Variants in NUP93 observed in about 807,000 individuals in gnomAD.
NUP93 encodes the protein nucleoporin 93.
Under a neutral mutation model 107.8 loss-of-function variants are expected in NUP93, and 55 were observed. That is an observed-to-expected ratio of 0.51 (90% CI 0.41 to 0.64). The LOEUF (loss-of-function observed/expected upper bound fraction) is 0.64. Ranked by LOEUF, NUP93 falls within the 30% of genes least tolerant of loss-of-function variation. The pLI, the probability that NUP93 is intolerant of heterozygous loss-of-function variation, is 0.00. For synonymous variants in NUP93, 390 were observed against 397.5 expected, an observed-to-expected ratio of 0.98 and a Z score of 0.22; for missense variants, 937 against 1,044.7, an observed-to-expected ratio of 0.90 and a Z score of 1.42.
At chr16:56,830,200 A>G (rs1183681509) in intron 9 of NUP93, among the ~76,000 whole-genome samples, 1 of 152,206 alleles carries the variant, frequency 6.6e-6, no homozygotes, top group South Asian at 2.1e-4. Context: ...ACAAAAGAAC[A>G]TCACCCAGTT....
In NUP93 at chr16:56,802,766, T is replaced by C. The variant is rs192425935; in HGVS notation, c.361-2738T>C. ...GTGTTGCCAATAATAAAGCAGGCAT[T>C]GCTAATACTCATTCCCTTATTGCTG... On this transcript the variant is annotated intron_variant, in intron 4 of 21. Coordinates refer to ENST00000308159, the MANE Select transcript of NUP93 (RefSeq NM_014669.5). Among the ~76,000 whole-genome samples, 385 of 152,342 alleles carry C rather than the reference T, an allele frequency of 2.5e-3. 2 individuals carry two copies. Among genetic ancestry groups the C allele is most frequent in the Non-Finnish European group, 4.0e-3 (275 of 68,034 alleles).
chr16:56,821,189 C>T (rs541732421), intron 6 of NUP93, among the ~76,000 whole-genome samples: 1 of 152,298 alleles, frequency 6.6e-6, no homozygotes, highest in East Asian at 1.9e-4. Context: ...AAGCAGCAGC[C>T]AGAGCCCTTC....
intron 3 of NUP93, among the ~76,000 whole-genome samples, chr16:56,794,090 G>GTAGGTAGA (rs1329055930): frequency 3.7e-4 from 28 of 76,062 alleles, no homozygotes; most frequent in African/African-American, 8.6e-4. Context: ...AGGTAGGTAG[G>GTAGGTAGA]TAGATAGATA....
chr16:56,836,004 C>T (rs930068033), intron 16 of NUP93, among the ~76,000 whole-genome samples: 1 of 151,862 alleles, frequency 6.6e-6, no homozygotes, highest in Admixed American at 6.6e-5. Context: ...TGGTGGGTAC[C>T]TGTAGTCCCA....
At position 56,849,526 on chromosome 16, in the gene NUP93, G is replaced by A. The variant is rs8044753; in HGVS notation, c.*4917G>A. On this transcript the variant is annotated 3_prime_UTR_variant, in exon 22 of 22. Transcript: ENST00000308159. ...ATCCCAGAGGGGACTTCAGCATCAG[G>A]ACATATGCTTTGGTGGCCTCAGCAG... is the stretch of plus-strand genomic sequence containing the variant. The A allele has an allele frequency of 0.59, 89,332 of 152,140 alleles. 26,956 individuals are homozygous for A. Among genetic ancestry groups the A allele is most frequent in the East Asian group, 0.84 (4,352 of 5,174 alleles). 9.4% of individuals were successfully genotyped at this position (152,140 alleles called of 1,614,324 possible).
At chr16:56,763,879 TC>T (rs1386524583) in intron 3 of NUP93, among the ~76,000 whole-genome samples, 2 of 152,192 alleles carry the variant, frequency 1.3e-5, no homozygotes, top group African/African-American at 4.8e-5. Context: ...AAGACTCTGT[TC>T]TGAAGGTCTT....
chr16:56,796,445 T>C (rs1962899598), intron 3 of NUP93, among the ~76,000 whole-genome samples: 1 of 152,226 alleles, frequency 6.6e-6, no homozygotes, highest in Non-Finnish European at 1.5e-5. Context: ...TTCTGTGGTG[T>C]TCACACAATG....
chr16:56,752,563 G>C (rs552592304), intron 2 of NUP93, among the ~76,000 whole-genome samples: 108 of 152,228 alleles, frequency 7.1e-4, no homozygotes, highest in Admixed American at 2.0e-3. Context: ...TTAATAGTAA[G>C]ATACTAATAC....
At chr16:56,827,467 A>G (rs888108296) in intron 8 of NUP93, among the ~76,000 whole-genome samples, 24 of 152,336 alleles carry the variant, frequency 1.6e-4, no homozygotes, top group Non-Finnish European at 5.9e-5. Context: ...CCCACAGACT[A>G]CTTATTAAGT....
chr16:56,799,692 T>G (rs1164382021), intron 4 of NUP93, among the ~76,000 whole-genome samples: 1 of 152,198 alleles, frequency 6.6e-6, no homozygotes, highest in Non-Finnish European at 1.5e-5. Flanking sequence ...CCAGTGAAAT[T>G]TATTTATTAT....
chr16:56,839,148 A>G (rs1010839955), intron 19 of NUP93, 79 bp downstream of exon 19: 1 of 967,348 alleles, frequency 1.0e-6, no homozygotes, highest in Non-Finnish European at 1.6e-6. Flanking sequence ...GAATTTACTT[A>G]AAACAAAGGA....
chr16:56,849,433 G>A lies in NUP93; in HGVS notation c.*4824G>A, dbSNP rs1309553799. On this transcript the variant is annotated 3_prime_UTR_variant, in exon 22 of 22. Transcript: ENST00000308159. ...TGCCCTTGAGCTTCTATTTCTTGGGGATGGGGAGGGCAAAAAAGTTTGCCC... is the reference window on the plus strand; with the variant it reads ...TGCCCTTGAGCTTCTATTTCTTGGGAATGGGGAGGGCAAAAAAGTTTGCCC... 6.6e-6 allele frequency: 1 copy of A among 152,366 alleles called. No individual in the cohort carries two copies. The highest frequency in any genetic ancestry group is 2.1e-4 in the South Asian group (1 of 4,826). The allele number at this position is 152,366 out of a possible 1,614,324, so 9.4% of individuals were successfully genotyped here. A position where few individuals can be genotyped will look rare whatever the true frequency, so the allele number is the denominator to read the frequency against.
chr16:56,823,152 C>CT (rs1389551353), intron 7 of NUP93, among the ~76,000 whole-genome samples: 5 of 152,128 alleles, frequency 3.3e-5, no homozygotes, highest in African/African-American at 1.2e-4. Flanking sequence ...TGGGAGGCGT[C>CT]TTTTGAAGGG....
intron 3 of NUP93, among the ~76,000 whole-genome samples, chr16:56,771,657 T>TTGGC (rs1962325026): frequency 6.6e-6 from 1 of 152,224 alleles, no homozygotes; most frequent in African/African-American, 2.4e-5. Flanking sequence ...TTTGGCGTGA[T>TTGGC]TGGCTTCTGT....
intron 1 of NUP93, among the ~76,000 whole-genome samples, chr16:56,744,214 A>G (rs1382535062): frequency 6.6e-6 from 1 of 152,058 alleles, no homozygotes; most frequent in Non-Finnish European, 1.5e-5. Flanking sequence ...TTGGACTTCA[A>G]TTTTTTTCCC....
At chr16:56,829,141 C>T (rs1438859563) in intron 9 of NUP93, 32 bp downstream of exon 9, 24 of 1,604,086 alleles carry the variant, frequency 1.5e-5, no homozygotes, top group Non-Finnish European at 2.0e-5. Flanking sequence ...TGATCAGTTA[C>T]ACCCCCAGAG....
Position 56,743,975 on chromosome 16 carries a change from T to A in NUP93, c.-14-4259T>A, listed in dbSNP as rs555226458. Among the ~76,000 whole-genome samples the A allele has an allele frequency of 8.5e-5, 13 of 152,272 alleles. No homozygotes were observed. The South Asian group carries it at 2.7e-3, about 32-fold the overall frequency. On this transcript the variant is annotated intron_variant, in intron 1 of 21. Transcript: ENST00000308159. ...TGCCAGTGTTGCCTTGCCAAAAGAT[T>A]CCCAATCACGCTCAAGGGCTTAGTC...
chr16:56,803,294 A>C (rs1424403178), intron 4 of NUP93, among the ~76,000 whole-genome samples: 1 of 152,114 alleles, frequency 6.6e-6, no homozygotes, highest in African/African-American at 2.4e-5. Context: ...CCCTGTCTCT[A>C]CTAAAAGTCT....
At chr16:56,787,883 C>T (rs762499118) in intron 3 of NUP93, among the ~76,000 whole-genome samples, 7 of 152,154 alleles carry the variant, frequency 4.6e-5, no homozygotes, top group Admixed American at 1.3e-4. Flanking sequence ...ATCACCTTAG[C>T]GTGACTGTGA....
Sources: gnomAD v4.1 joint callset for allele counts (sites outside exome capture counted in the v4.1 genomes callset) on GRCh38, gnomAD v4.1.1 for gene constraint, MANE v1.5 for transcripts, NCBI Gene and HGNC (gene_info 2026-07-23, HGNC 2026-07-21) for gene names.